Variants in NRXN3 observed in about 807,000 individuals in gnomAD.
NRXN3 encodes the protein neurexin 3, also known as neurexin III.
In NRXN3, 32 loss-of-function variants were observed where a neutral mutation model predicts 137.6. The ratio of observed to expected loss-of-function variants is 0.23; its 90% confidence interval spans 0.18 to 0.31. The LOEUF (loss-of-function observed/expected upper bound fraction) is 0.31. NRXN3 is among the 10% of genes least tolerant of loss of function. NRXN3 has a pLI of 1.00. For synonymous variants in NRXN3, 798 were observed against 784.5 expected, an observed-to-expected ratio of 1.02 and a Z score of -0.29; for missense variants, 1,574 against 2,062.5, an observed-to-expected ratio of 0.76 and a Z score of 4.59.
intron 19 of NRXN3, among the ~76,000 whole-genome samples, chr14:79,773,220 C>G (rs1334979857): frequency 6.6e-6 from 1 of 152,100 alleles, no homozygotes; most frequent in Admixed American, 6.6e-5. Context: ...GTCAGTGTGG[C>G]GATTCCTCAG....
intron 10 of NRXN3, among the ~76,000 whole-genome samples, chr14:78,950,807 C>T (rs1307028419): frequency 1.3e-5 from 2 of 152,138 alleles, no homozygotes; most frequent in Admixed American, 6.5e-5. Flanking sequence ...TTGATTCATA[C>T]GTCTCAGCAG....
chr14:78,689,930 C>T (rs1021205289), intron 6 of NRXN3, among the ~76,000 whole-genome samples: 19 of 151,860 alleles, frequency 1.3e-4, no homozygotes, highest in Non-Finnish European at 4.4e-5. Context: ...TCCGCTCCTC[C>T]CCACTATCTC....
chr14:79,527,733 C>T (rs1208965029), intron 16 of NRXN3, among the ~76,000 whole-genome samples: 2 of 151,478 alleles, frequency 1.3e-5, no homozygotes, highest in African/African-American at 2.4e-5. Flanking sequence ...ATTAGCTGGG[C>T]GTGGTGGTGC....
intron 15 of NRXN3, among the ~76,000 whole-genome samples, chr14:79,284,764 T>G (rs535370193): frequency 8.5e-5 from 13 of 152,114 alleles, no homozygotes; most frequent in African/African-American, 2.9e-4. Context: ...ACCCCCAAAG[T>G]TTTTTCAGCC....
intron 15 of NRXN3, among the ~76,000 whole-genome samples, chr14:79,371,576 G>A (rs1291973942): frequency 1.3e-5 from 2 of 152,046 alleles, no homozygotes; most frequent in African/African-American, 4.8e-5. Flanking sequence ...GCTGTGTATA[G>A]TCTGGAAGGA....
chr14:78,425,985 T>C (rs1257234023), intron 4 of NRXN3, among the ~76,000 whole-genome samples: 1 of 152,192 alleles, frequency 6.6e-6, no homozygotes, highest in Non-Finnish European at 1.5e-5. Flanking sequence ...GCACTTCCTG[T>C]GCAGTTCCAG....
intron 15 of NRXN3, among the ~76,000 whole-genome samples, chr14:79,415,846 G>A (rs2153523071): frequency 6.6e-6 from 1 of 152,140 alleles, no homozygotes; most frequent in East Asian, 1.9e-4. Flanking sequence ...AACCATCTAG[G>A]AACTTATTAC....
At chr14:79,277,930 G>A (rs17109025) in intron 15 of NRXN3, among the ~76,000 whole-genome samples, 7,766 of 152,210 alleles carry the variant, frequency 0.051, 524 homozygotes, top group African/African-American at 0.15. Flanking sequence ...CCAGTTCACT[G>A]CCATAAATTC....
At chr14:78,569,481 GGT>G (rs1360328275) in intron 4 of NRXN3, among the ~76,000 whole-genome samples, 7 of 151,200 alleles carry the variant, frequency 4.6e-5, no homozygotes, top group African/African-American at 1.7e-4. Context: ...TAGCAAGGGT[GGT>G]CTCAATCTCC....
At chr14:78,453,296 C>G (rs2094595263) in intron 4 of NRXN3, among the ~76,000 whole-genome samples, 1 of 152,232 alleles carries the variant, frequency 6.6e-6, no homozygotes, top group African/African-American at 2.4e-5. Flanking sequence ...CTCTTCCTCC[C>G]TGTTCAGATG....
At chr14:79,354,856 T>C (rs2093359798) in intron 15 of NRXN3, among the ~76,000 whole-genome samples, 1 of 152,204 alleles carries the variant, frequency 6.6e-6, no homozygotes, top group Non-Finnish European at 1.5e-5. Context: ...GTGCCAGAGC[T>C]GTATATAACA....
At chr14:78,175,242 C>A (rs11628166) in intron 1 of NRXN3, among the ~76,000 whole-genome samples, 24,659 of 152,192 alleles carry the variant, frequency 0.16, 2,559 homozygotes, top group Middle Eastern at 0.23. Flanking sequence ...ACCTTTCTAG[C>A]ATCCCTCTCC....
At chr14:79,698,328 A>T (rs1461903799) in intron 19 of NRXN3, among the ~76,000 whole-genome samples, 1 of 151,980 alleles carries the variant, frequency 6.6e-6, no homozygotes, top group Non-Finnish European at 1.5e-5. Flanking sequence ...TTTCATTCAC[A>T]TTCTCCAGAT....
rs558958703 is a variant in NRXN3, at chr14:79,167,894, C to T, written c.3262+179753C>T. On this transcript the variant is annotated intron_variant, in intron 15 of 20. Coordinates refer to ENST00000335750, the MANE Select transcript of NRXN3 (RefSeq NM_001330195.2). The stretch of plus-strand genomic sequence containing the variant: ...GTCCTACCCTTCTCATATAGATCCA[C>T]CCCAAATCTACCTGCCTTTTCTTTT... Among the ~76,000 whole-genome samples the T allele has an allele frequency of 4.0e-5, 6 of 151,798 alleles. No individual in the cohort carries two copies. In the South Asian group the frequency reaches 1.2e-3, roughly 32 times the overall value.
intron 15 of NRXN3, among the ~76,000 whole-genome samples, chr14:78,999,814 T>C (rs2099537720): frequency 6.6e-6 from 1 of 152,194 alleles, no homozygotes; most frequent in African/African-American, 2.4e-5. Flanking sequence ...CCCAGTTTCT[T>C]CTGTGGCACT....
intron 4 of NRXN3, among the ~76,000 whole-genome samples, chr14:78,515,960 C>T (rs1016698236): frequency 2.6e-5 from 4 of 152,094 alleles, no homozygotes; most frequent in African/African-American, 9.7e-5. Flanking sequence ...GTTTCCTCAT[C>T]TTTCAAATGG....
At chr14:79,587,105 C>G (rs2097770041) in intron 16 of NRXN3, among the ~76,000 whole-genome samples, 1 of 152,164 alleles carries the variant, frequency 6.6e-6, no homozygotes. Flanking sequence ...GCCAGACTTT[C>G]ACGGGGAGCC....
At chr14:79,590,851 C>T (rs2097797067) in intron 16 of NRXN3, among the ~76,000 whole-genome samples, 1 of 152,162 alleles carries the variant, frequency 6.6e-6, no homozygotes. Context: ...CATCAAATTT[C>T]AATTTTTTTC....
At chr14:79,526,820 C>T (rs529473941) in intron 16 of NRXN3, among the ~76,000 whole-genome samples, 1 of 152,264 alleles carries the variant, frequency 6.6e-6, no homozygotes, top group Non-Finnish European at 1.5e-5. Context: ...CAAGCCACTC[C>T]ACTATATCTA....
Sources: allele counts gnomAD v4.1 joint callset (sites outside exome capture counted in the v4.1 genomes callset), GRCh38; gene constraint gnomAD v4.1.1; transcripts MANE v1.5; gene names NCBI Gene and HGNC (gene_info 2026-07-23, HGNC 2026-07-21).